Variants in WWOX observed in about 807,000 individuals in gnomAD.
WWOX encodes the protein WW domain containing oxidoreductase, also known as WW domain-containing oxidoreductase.
A neutral mutation model predicts 46.2 loss-of-function variants in WWOX; 69 were observed. The observed-to-expected ratio is 1.49, with a 90% confidence interval of 1.23 to 1.82. WWOX has a LOEUF of 1.82. WWOX is among the 40% of genes most tolerant of loss of function. WWOX has a pLI of 0.00. For synonymous variants in WWOX, 359 were observed against 202.6 expected (o/e 1.77, Z -6.56); for missense variants, 919 against 542.6 (o/e 1.69, Z -6.89).
chr16:78,689,366 A>G (rs2047934637), intron 8 of WWOX, among the ~76,000 whole-genome samples: 1 of 152,240 alleles, frequency 6.6e-6, no homozygotes, highest in African/African-American at 2.4e-5. Context: ...TCTCTTTAAG[A>G]AACTCTGGCT....
intron 5 of WWOX, among the ~76,000 whole-genome samples, chr16:78,194,287 T>C (rs1485485818): frequency 6.6e-6 from 1 of 152,052 alleles, no homozygotes. Context: ...TTTCTGTTTT[T>C]TAATTAAAAA....
At position 78,691,237 on chromosome 16, in the gene WWOX, T is replaced by A. The variant is rs767524266; in HGVS notation, c.1056+258485T>A. 49 of 702,232 alleles carry A rather than the reference T, an allele frequency of 7.0e-5. No homozygotes were observed. The East Asian group carries it at 1.2e-3, about 17-fold the overall frequency. 43.5% of individuals were successfully genotyped at this position (702,232 alleles called of 1,614,324 possible). A position where few individuals can be genotyped will look rare whatever the true frequency, so the allele number is the denominator to read the frequency against. ...TAGCTATGCTTCTCTTGTTTGTGAT[T>A]CCAGGTTTCAGACTGCCTGGTAGAA... On this transcript the variant is annotated intron_variant, in intron 8 of 8. Coordinates refer to ENST00000566780, the MANE Select transcript of WWOX (RefSeq NM_016373.4).
intron 8 of WWOX, among the ~76,000 whole-genome samples, chr16:78,632,790 T>A (rs1448220855): frequency 6.6e-6 from 1 of 151,868 alleles, no homozygotes; most frequent in African/African-American, 2.4e-5. Flanking sequence ...ACTCCTGACC[T>A]CAGGTGATCC....
chr16:78,715,319 G>C (rs1030983792), intron 8 of WWOX, among the ~76,000 whole-genome samples: 4 of 152,140 alleles, frequency 2.6e-5, no homozygotes, highest in Admixed American at 1.3e-4. Context: ...AGCCGGCTCA[G>C]CAACTGCACA....
At chr16:78,915,181 C>G (rs536907873) in intron 8 of WWOX, among the ~76,000 whole-genome samples, 2 of 152,234 alleles carry the variant, frequency 1.3e-5, no homozygotes, top group African/African-American at 4.8e-5. Flanking sequence ...TCCCCATTCA[C>G]TCCACCACCA....
intron 8 of WWOX, among the ~76,000 whole-genome samples, chr16:78,911,813 C>G (rs2045119351): frequency 6.6e-6 from 1 of 152,074 alleles, no homozygotes; most frequent in South Asian, 2.1e-4. Context: ...TTGCAGGGAG[C>G]TGAGATCACG....
intron 8 of WWOX, among the ~76,000 whole-genome samples, chr16:78,873,726 C>T (rs2044175824): frequency 1.3e-5 from 2 of 152,138 alleles, no homozygotes; most frequent in African/African-American, 4.8e-5. Flanking sequence ...AAGTTCAAGG[C>T]TGCAGAGAGC....
chr16:78,687,399 AT>A (rs1281917675), intron 8 of WWOX, among the ~76,000 whole-genome samples: 2 of 152,206 alleles, frequency 1.3e-5, no homozygotes, highest in Non-Finnish European at 2.9e-5. Context: ...GTGGCCTGAG[AT>A]TGTTGAAGGA....
chr16:78,121,666 GTTT>G (rs58400596), intron 4 of WWOX, among the ~76,000 whole-genome samples: 1 of 145,158 alleles, frequency 6.9e-6, no homozygotes, highest in Non-Finnish European at 1.5e-5. Flanking sequence ...TGGTGTTTCA[GTTT>G]TTTTTTTTTT....
intron 8 of WWOX, among the ~76,000 whole-genome samples, chr16:78,603,648 T>G (rs573765527): frequency 6.6e-5 from 10 of 152,122 alleles, no homozygotes; most frequent in Admixed American, 5.9e-4. Context: ...GAACTAAGAT[T>G]GTGCCACTGC....
intron 8 of WWOX, among the ~76,000 whole-genome samples, chr16:78,452,347 A>G (rs1182125825): frequency 1.3e-5 from 2 of 152,076 alleles, no homozygotes; most frequent in Admixed American, 6.5e-5. Context: ...ACTGATTGCT[A>G]TCATGCAGTC....
chr16:78,303,209 ATT>A (rs1231877625), intron 5 of WWOX, among the ~76,000 whole-genome samples: 2 of 152,184 alleles, frequency 1.3e-5, no homozygotes, highest in Admixed American at 6.5e-5. Context: ...TCTATCTCTA[ATT>A]TATGTTACTT....
chr16:79,203,483 C>G (rs111970783), intron 8 of WWOX: 2 of 148,492 alleles, frequency 1.3e-5, no homozygotes, highest in South Asian at 2.1e-4. Context: ...GTGGCCCCAG[C>G]GGAGACCTTG....
At chr16:78,229,831 A>G (rs1359210256) in intron 5 of WWOX, among the ~76,000 whole-genome samples, 1 of 151,972 alleles carries the variant, frequency 6.6e-6, no homozygotes, top group Non-Finnish European at 1.5e-5. Context: ...TCTCCCCAAG[A>G]GCCATATCTC....
intron 8 of WWOX, among the ~76,000 whole-genome samples, chr16:78,759,972 C>G (rs2049750592): frequency 6.6e-6 from 1 of 152,156 alleles, no homozygotes; most frequent in Non-Finnish European, 1.5e-5. Flanking sequence ...TTCTTGCTTC[C>G]CTCTTACAAT....
chr16:78,299,013 G>A (rs1260093605), intron 5 of WWOX, among the ~76,000 whole-genome samples: 2 of 152,146 alleles, frequency 1.3e-5, no homozygotes, highest in Non-Finnish European at 1.5e-5. Context: ...AAAAGGATGA[G>A]CTGGGTTGCA....
intron 8 of WWOX, among the ~76,000 whole-genome samples, chr16:78,777,854 G>A (rs1043108416): frequency 5.3e-5 from 8 of 152,048 alleles, no homozygotes; most frequent in Middle Eastern, 3.4e-3. Flanking sequence ...AGAGCATCCC[G>A]GCCAGCATGG....
chr16:78,539,182 G>T (rs1365795950), intron 8 of WWOX, among the ~76,000 whole-genome samples: 1 of 152,192 alleles, frequency 6.6e-6, no homozygotes, highest in Non-Finnish European at 1.5e-5. Context: ...TGCAGTGCAT[G>T]ACACATAGTA....
intron 5 of WWOX, among the ~76,000 whole-genome samples, chr16:78,219,273 A>G (rs2036815594): frequency 6.6e-6 from 1 of 152,168 alleles, no homozygotes; most frequent in Non-Finnish European, 1.5e-5. Flanking sequence ...TTAATATGTT[A>G]ATATGAATCT....
Sources: allele counts gnomAD v4.1 joint callset (sites outside exome capture counted in the v4.1 genomes callset), GRCh38; gene constraint gnomAD v4.1.1; transcripts MANE v1.5; gene names NCBI Gene and HGNC (gene_info 2026-07-23, HGNC 2026-07-21).